The following TMEM117 variants were observed in gnomAD, a reference collection of about 807,000 sequenced individuals.
TMEM117 encodes transmembrane protein 117.
Under a neutral mutation model 52.4 loss-of-function variants are expected in TMEM117, and 27 were observed. The observed-to-expected ratio is 0.51, with a 90% CI of 0.38 to 0.71. The LOEUF (loss-of-function observed/expected upper bound fraction) is 0.71. Ranked by LOEUF, TMEM117 falls within the 30% of genes least tolerant of loss-of-function variation. The pLI, the probability that TMEM117 is intolerant of heterozygous loss-of-function variation, is 0.00. For synonymous variants in TMEM117, 215 were observed against 206.3 expected (o/e 1.04, Z -0.36); for missense variants, 556 against 630.5 (o/e 0.88, Z 1.26).
intron 2 of TMEM117, among the ~76,000 whole-genome samples, chr12:43,921,594 G>T (rs10748379): frequency 0.17 from 26,254 of 152,028 alleles, 3,467 homozygotes; most frequent in African/African-American, 0.36. Context: ...AGTTTTATTG[G>T]TTCTACCTTC....
chr12:44,314,180 T>C (rs926762956), intron 6 of TMEM117, among the ~76,000 whole-genome samples: 1 of 152,204 alleles, frequency 6.6e-6, no homozygotes, highest in African/African-American at 2.4e-5. Context: ...GTTCCAGTTC[T>C]CATGGGGAAT....
chr12:44,165,135 C>A (rs1475527895), intron 4 of TMEM117, among the ~76,000 whole-genome samples: 1 of 152,022 alleles, frequency 6.6e-6, no homozygotes, highest in East Asian at 1.9e-4. Flanking sequence ...TCTCTACCTT[C>A]ATGAGATCAA....
chr12:44,335,262 T>G (rs1951326222), intron 6 of TMEM117, among the ~76,000 whole-genome samples: 1 of 151,810 alleles, frequency 6.6e-6, no homozygotes, highest in African/African-American at 2.4e-5. Flanking sequence ...TATGGAGACA[T>G]TAGTAGCTTT....
chr12:44,291,385 T>TG (rs1338521401), intron 5 of TMEM117, among the ~76,000 whole-genome samples: 2 of 148,818 alleles, frequency 1.3e-5, no homozygotes, highest in African/African-American at 2.5e-5. Context: ...TTTTTTTTTT[T>TG]TTTTTTTTTT....
chr12:44,173,194 C>T (rs986258381), intron 4 of TMEM117, among the ~76,000 whole-genome samples: 1 of 152,158 alleles, frequency 6.6e-6, no homozygotes, highest in African/African-American at 2.4e-5. Flanking sequence ...TCCCACCTCG[C>T]CCTCCCACGT....
At chr12:43,916,193 C>T (rs7969372) in intron 2 of TMEM117, among the ~76,000 whole-genome samples, 63,696 of 152,002 alleles carry the variant, frequency 0.42, 14,408 homozygotes, top group Non-Finnish European at 0.52. Flanking sequence ...CCCTGTTCCA[C>T]CTCTTTGTTC....
intron 3 of TMEM117, among the ~76,000 whole-genome samples, chr12:43,945,173 G>GAT (rs72451490): frequency 0.17 from 25,177 of 149,090 alleles, 3,144 homozygotes; most frequent in African/African-American, 0.34. Flanking sequence ...CCTAGCTTGT[G>GAT]ATATATACTT....
intron 3 of TMEM117, among the ~76,000 whole-genome samples, chr12:44,032,814 T>C (rs1250551475): frequency 6.6e-6 from 1 of 152,176 alleles, no homozygotes; most frequent in Non-Finnish European, 1.5e-5. Flanking sequence ...AGGAATATCA[T>C]TGCCCCTATT....
chr12:44,230,788 C>G (rs1314630032), intron 5 of TMEM117, among the ~76,000 whole-genome samples: 1 of 151,906 alleles, frequency 6.6e-6, no homozygotes, highest in Non-Finnish European at 1.5e-5. Flanking sequence ...CACTTTCCAC[C>G]TACAATTCTC....
At chr12:43,964,839 G>A (rs960742553) in intron 3 of TMEM117, among the ~76,000 whole-genome samples, 2 of 152,070 alleles carry the variant, frequency 1.3e-5, no homozygotes, top group African/African-American at 4.8e-5. Flanking sequence ...TAAATACTTC[G>A]AATGTCATCC....
intron 1 of TMEM117, among the ~76,000 whole-genome samples, chr12:43,838,938 A>G (rs1221132544): frequency 6.6e-6 from 1 of 152,174 alleles, no homozygotes; most frequent in East Asian, 1.9e-4. Context: ...AGTGTTAATT[A>G]CAAGTTTGCT....
At chr12:44,220,222 G>C (rs1372130506) in intron 5 of TMEM117, among the ~76,000 whole-genome samples, 1 of 152,138 alleles carries the variant, frequency 6.6e-6, no homozygotes, top group Non-Finnish European at 1.5e-5. Context: ...GGGGTTACCA[G>C]TTAACAACTC....
chr12:44,195,936 A>ATAAATAAC (rs1555130728), intron 4 of TMEM117, among the ~76,000 whole-genome samples: 20 of 136,646 alleles, frequency 1.5e-4, no homozygotes, highest in South Asian at 4.6e-4. Context: ...AAATAAATAA[A>ATAAATAAC]TAACTGGGCA....
the TMEM117 span, among the ~76,000 whole-genome samples, chr12:43,807,319 A>G: frequency 6.6e-6 from 1 of 152,362 alleles, no homozygotes; most frequent in Non-Finnish European, 1.5e-5. Flanking sequence ...AGTGATGAAC[A>G]GGCCTGCAAT....
At chr12:43,907,394 GA>G (rs1052801408) in intron 2 of TMEM117, among the ~76,000 whole-genome samples, 2 of 150,916 alleles carry the variant, frequency 1.3e-5, no homozygotes, top group African/African-American at 4.9e-5. Context: ...CAAAGATGGG[GA>G]AAAAACAGAG....
At chr12:44,365,594 A>T (rs1370649919) in intron 6 of TMEM117, among the ~76,000 whole-genome samples, 1 of 152,098 alleles carries the variant, frequency 6.6e-6, no homozygotes, top group Admixed American at 6.6e-5. Context: ...TTCCATGTAA[A>T]TTAAGAAAAA....
chr12:43,877,035 C>G (rs909573649), intron 2 of TMEM117, among the ~76,000 whole-genome samples: 9 of 152,040 alleles, frequency 5.9e-5, no homozygotes, highest in African/African-American at 2.2e-4. Flanking sequence ...TTGAGTGTGT[C>G]TAACATAATT....
At chr12:44,225,078 A>G (rs765528870) in intron 5 of TMEM117, among the ~76,000 whole-genome samples, 1 of 152,184 alleles carries the variant, frequency 6.6e-6, no homozygotes, top group Non-Finnish European at 1.5e-5. Context: ...CATTTTCTTG[A>G]TACAGTATTT....
intron 5 of TMEM117, among the ~76,000 whole-genome samples, chr12:44,286,794 G>T (rs1410864088): frequency 5.3e-5 from 8 of 152,124 alleles, no homozygotes; most frequent in Admixed American, 5.2e-4. Context: ...GCTCTAAAAT[G>T]CATGTTTCCA....
Sources: gnomAD v4.1 joint callset for allele counts (sites outside exome capture counted in the v4.1 genomes callset) on GRCh38, gnomAD v4.1.1 for gene constraint, MANE v1.5 for transcripts, NCBI Gene and HGNC (gene_info 2026-07-23, HGNC 2026-07-21) for gene names.